The following TMEM132B variants were observed in gnomAD, a reference collection of about 807,000 sequenced individuals.
TMEM132B encodes transmembrane protein 132B.
In TMEM132B, 18 loss-of-function variants were observed where a neutral mutation model predicts 90.8. That is an observed-to-expected ratio of 0.20 (90% CI 0.14 to 0.29). The LOEUF (loss-of-function observed/expected upper bound fraction) is 0.29. Ranked by LOEUF, TMEM132B falls within the 10% of genes least tolerant of loss-of-function variation. The pLI is 1.00. For synonymous variants in TMEM132B, 504 were observed against 523.3 expected (o/e 0.96, Z 0.50); for missense variants, 1,096 against 1,326.8 (o/e 0.83, Z 2.70).
At chr12:125,263,389 G>A (rs1402310463) in intron 1 of TMEM132B, among the ~76,000 whole-genome samples, 4 of 152,148 alleles carry the variant, frequency 2.6e-5, no homozygotes, top group African/African-American at 7.2e-5. Flanking sequence ...CTCACTTGTC[G>A]ACTAGGCAGA....
intron 5 of TMEM132B, among the ~76,000 whole-genome samples, chr12:125,618,781 A>G (rs1392570397): frequency 2.0e-5 from 3 of 152,158 alleles, no homozygotes; most frequent in African/African-American, 7.2e-5. Context: ...GCACTTCAGA[A>G]TATTATGTTA....
At chr12:125,627,545 A>G (rs1392439190) in intron 5 of TMEM132B, among the ~76,000 whole-genome samples, 1 of 151,800 alleles carries the variant, frequency 6.6e-6, no homozygotes, top group African/African-American at 2.4e-5. Context: ...TTAATTTTTA[A>G]TTTTTATGGT....
chr12:125,312,486 A>G (rs1002926485), intron 1 of TMEM132B, among the ~76,000 whole-genome samples: 3 of 152,190 alleles, frequency 2.0e-5, no homozygotes, highest in Non-Finnish European at 2.9e-5. Flanking sequence ...TCACATTAAG[A>G]ATGAAAAGAT....
intron 1 of TMEM132B, among the ~76,000 whole-genome samples, chr12:125,202,340 G>T (rs1873081078): frequency 6.6e-6 from 1 of 152,208 alleles, no homozygotes; most frequent in Admixed American, 6.5e-5. Flanking sequence ...AGTTCCTGTG[G>T]GCCAGGAATC....
At chr12:125,272,063 T>G (rs2136120457) in intron 1 of TMEM132B, among the ~76,000 whole-genome samples, 1 of 152,294 alleles carries the variant, frequency 6.6e-6, no homozygotes, top group African/African-American at 2.4e-5. Flanking sequence ...CTGTCTCCCG[T>G]CTAACAAGGG....
intron 2 of TMEM132B, among the ~76,000 whole-genome samples, chr12:125,409,647 AGTGGAGTGGAGT>A (rs1879648119): frequency 1.8e-5 from 1 of 55,556 alleles, no homozygotes; most frequent in Non-Finnish European, 3.5e-5. Context: ...GGAGGAGTGG[AGTGGAGTGGAGT>A]GGAGTGAGTG....
intron 3 of TMEM132B, among the ~76,000 whole-genome samples, chr12:125,502,684 C>T (rs1046840998): frequency 6.6e-6 from 1 of 152,140 alleles, no homozygotes; most frequent in Non-Finnish European, 1.5e-5. Flanking sequence ...TTTTTATTTG[C>T]GTGTTAACTG....
At position 125,294,604 on chromosome 12, in the gene TMEM132B, C is replaced by T. The variant is rs111399713; in HGVS notation, c.68-54848C>T. 9.7e-3 allele frequency among the ~76,000 whole-genome samples: 1,479 copies of T among 152,344 alleles called. 14 individuals carry two copies. The highest frequency in any genetic ancestry group is 0.015 in the Non-Finnish European group (997 of 68,032). ...GCAGTAAGAGCTGCCTATATATCAA[C>T]TACGAATCTTCCCAACAAACTTTGA... On this transcript the variant is annotated intron_variant, in intron 1 of 8. Coordinates refer to ENST00000682704, the MANE Select transcript of TMEM132B (RefSeq NM_001366854.1).
chr12:125,392,149 TA>T (rs1566021515), intron 2 of TMEM132B, among the ~76,000 whole-genome samples: 2 of 152,208 alleles, frequency 1.3e-5, no homozygotes, highest in African/African-American at 2.4e-5. Flanking sequence ...AAGAAAATAA[TA>T]TTTTTTTTGA....
At chr12:125,212,529 C>T (rs1180362646) in intron 1 of TMEM132B, among the ~76,000 whole-genome samples, 1 of 151,896 alleles carries the variant, frequency 6.6e-6, no homozygotes, top group African/African-American at 2.4e-5. Context: ...CCTGTCTCTA[C>T]TAAAAATACA....
intron 3 of TMEM132B, among the ~76,000 whole-genome samples, chr12:125,463,070 AATAATTTATCTCTC>A (rs1881481267): frequency 6.6e-6 from 1 of 152,196 alleles, no homozygotes; most frequent in Admixed American, 6.5e-5. Context: ...TTTGCAGGGT[AATAATTTATCTCTC>A]AAATATTAAG....
chr12:125,554,151 C>T (rs1033313468), intron 4 of TMEM132B, among the ~76,000 whole-genome samples: 13 of 152,100 alleles, frequency 8.5e-5, no homozygotes, highest in South Asian at 2.1e-4. Context: ...AGGCCGGGCG[C>T]GGTGGCTCAC....
At chr12:125,532,263 G>A (rs1883665359) in intron 4 of TMEM132B, among the ~76,000 whole-genome samples, 1 of 152,216 alleles carries the variant, frequency 6.6e-6, no homozygotes, top group Non-Finnish European at 1.5e-5. Flanking sequence ...GAGCAACAAA[G>A]TAGTGGAATT....
At chr12:125,455,310 T>A (rs1881264514) in intron 3 of TMEM132B, among the ~76,000 whole-genome samples, 2 of 152,182 alleles carry the variant, frequency 1.3e-5, no homozygotes, top group Non-Finnish European at 2.9e-5. Flanking sequence ...AGGGGCTTAG[T>A]TCGAGGCAAG....
chr12:125,392,725 A>G (rs966714203), intron 2 of TMEM132B, among the ~76,000 whole-genome samples: 7 of 152,152 alleles, frequency 4.6e-5, no homozygotes, highest in African/African-American at 1.7e-4. Flanking sequence ...TAACCACAAG[A>G]CCACTAGGCC....
At chr12:125,319,559 C>T (rs1876373227) in intron 1 of TMEM132B, among the ~76,000 whole-genome samples, 1 of 152,224 alleles carries the variant, frequency 6.6e-6, no homozygotes, top group African/African-American at 2.4e-5. Context: ...ATGGTGACCT[C>T]AGACTACCCT....
chr12:125,550,672 A>C (rs10492031), intron 4 of TMEM132B, among the ~76,000 whole-genome samples: 119,824 of 152,192 alleles, frequency 0.79, 48,036 homozygotes, highest in African/African-American at 0.95. Context: ...TAGGGTATTA[A>C]GTGTATCTAA....
At chr12:125,647,460 A>G (rs1886794885) in intron 6 of TMEM132B, among the ~76,000 whole-genome samples, 1 of 152,246 alleles carries the variant, frequency 6.6e-6, no homozygotes, top group African/African-American at 2.4e-5. Context: ...TCTTAAAAAC[A>G]TCCAGAGAGA....
chr12:125,263,227 C>T (rs1240496323), intron 1 of TMEM132B, among the ~76,000 whole-genome samples: 3 of 152,152 alleles, frequency 2.0e-5, no homozygotes, highest in Non-Finnish European at 2.9e-5. Flanking sequence ...CACCTAACAC[C>T]GGATGCAGCT....
Sources: allele counts gnomAD v4.1 joint callset (sites outside exome capture counted in the v4.1 genomes callset), GRCh38; gene constraint gnomAD v4.1.1; transcripts MANE v1.5; gene names NCBI Gene and HGNC (gene_info 2026-07-23, HGNC 2026-07-21).